SIGMAR1: variants seen among roughly 807,000 people sequenced by gnomAD.
SIGMAR1 encodes the protein sigma non-opioid intracellular receptor 1, also known as SR31747 binding protein 1.
A neutral mutation model predicts 25.4 loss-of-function variants in SIGMAR1; 18 were observed. That is an observed-to-expected ratio of 0.71 (90% confidence interval 0.49 to 1.05). The LOEUF (loss-of-function observed/expected upper bound fraction) is 1.05. Ranked by LOEUF, SIGMAR1 falls within the 50% of genes least tolerant of loss-of-function variation. The pLI is 0.00. For missense variants in SIGMAR1, 249 were observed against 301.6 expected (o/e 0.83, Z 1.29); for synonymous variants, 125 against 131.6 (o/e 0.95, Z 0.34).
rs755288111 is a variant in SIGMAR1, at chr9:34,635,742, C to T, written c.562G>A (p.Asp188Asn). 5.0e-6 allele frequency: 8 copies of T among 1,614,112 alleles called. No homozygotes were observed. Among genetic ancestry groups the T allele is most frequent in the East Asian group, 2.2e-5 (1 of 44,894 alleles). Residue 188 changes from aspartate (D) to asparagine (N), a missense_variant, in exon 4 of 4, where the codon GAC becomes AAC. Transcript: ENST00000277010. The surrounding 1 kb of genome is among the most constrained non-coding windows in gnomAD (Gnocchi z 4.5). ...AAGTCCTGGGTGCTGAAGACAGTGT[C>T]GGCCAGCGCGAAGGCCAGGGTGGAT... is the stretch of plus-strand genomic sequence containing the variant. ...IPSTLAFALA[D>N]TVFSTQDFLT...
chr9:34,636,771 G>T, intron 3 of SIGMAR1: 1 of 600,316 alleles, frequency 1.7e-6, no homozygotes, highest in South Asian at 1.9e-5. Flanking sequence ...ATAAAAATCA[G>T]ACATGTTTAA....
chr9:34,637,649 C>G lies in SIGMAR1; in HGVS notation c.49G>C (p.Ala17Pro), dbSNP rs1307707151. ...RRWAWAALLL[A>P]VAAVLTQVVW... Reference sequence around the variant, plus strand: ...ACCTGGGTCAGCACCGCTGCGACAGCCAGGAGCAGCGCGGCCCACGCCCAC... The same window carrying G: ...ACCTGGGTCAGCACCGCTGCGACAGGCAGGAGCAGCGCGGCCCACGCCCAC... Residue 17 changes from alanine to proline, a missense_variant, in exon 1 of 4, where the codon GCT becomes CCT. By Grantham distance (27) the Ala-to-Pro change is conservative. Transcript: ENST00000277010. 7 of 1,536,320 alleles carry G rather than the reference C, an allele frequency of 4.6e-6. No homozygotes were observed. The highest frequency in any genetic ancestry group is 1.4e-5 in the African/African-American group (1 of 73,146).
Position 34,635,705 on chromosome 9 carries a change from A to G in SIGMAR1, c.599T>C (p.Phe200Ser). ...CCGAGCATAGGAGCGAAGAGTATAG[A>G]AGAGGGTGAGGAAGTCCTGGGTGCT... ...VFSTQDFLTL[F>S]YTLRSYARGL... The change falls in exon 4 of 4, where the codon TTC becomes TCC. Residue 200 changes from phenylalanine to serine, a missense_variant. Coordinates refer to ENST00000277010, the MANE Select transcript of SIGMAR1 (RefSeq NM_005866.4). This position sits in a 1 kb window ranked among gnomAD's most constrained non-coding sequence, Gnocchi z 4.5. 8.1e-6 allele frequency: 13 copies of G among 1,614,248 alleles called. No individual in the cohort carries two copies. The highest frequency in any genetic ancestry group is 1.7e-5 in the Admixed American group (1 of 60,028).
intron 3 of SIGMAR1, 82 bp downstream of exon 3, chr9:34,636,915 C>T: frequency 8.5e-7 from 1 of 1,180,306 alleles, no homozygotes; most frequent in Non-Finnish European, 1.2e-6. Flanking sequence ...CAACACACTC[C>T]TTTTCCATGC....
Position 34,635,428 on chromosome 9 carries a change from A to C in SIGMAR1, c.*204T>G. 1 of 744,172 alleles carries C rather than the reference A, an allele frequency of 1.3e-6. No homozygotes were observed. The highest frequency in any genetic ancestry group is 2.8e-5 in the East Asian group (1 of 35,912). The allele number at this position is 744,172 out of a possible 1,614,324, so 46.1% of individuals were successfully genotyped here. On this transcript the variant is annotated 3_prime_UTR_variant, in exon 4 of 4. Coordinates refer to ENST00000277010, the MANE Select transcript of SIGMAR1 (RefSeq NM_005866.4). The surrounding 1 kb of genome is among the most constrained non-coding windows in gnomAD (Gnocchi z 4.5). ...GAGTGCATGGTCCTACTGTACACAC[A>C]GGTCTCAGTATCTATATGTGTCTCA...
At position 34,635,744 on chromosome 9, in the gene SIGMAR1, G is replaced by A. The variant is rs1820829467; in HGVS notation, c.560C>T (p.Ala187Val). Reference sequence around the variant, plus strand: ...GTCCTGGGTGCTGAAGACAGTGTCGGCCAGCGCGAAGGCCAGGGTGGATGG... The same window carrying A: ...GTCCTGGGTGCTGAAGACAGTGTCGACCAGCGCGAAGGCCAGGGTGGATGG... Reference protein sequence around the residue: ...VIPSTLAFALADTVFSTQDFL... With the variant: ...VIPSTLAFALVDTVFSTQDFL... Residue 187 changes from alanine (A) to valine (V), a missense_variant, in exon 4 of 4, where the codon GCC becomes GTC. Coordinates refer to ENST00000277010, the MANE Select transcript of SIGMAR1 (RefSeq NM_005866.4). The surrounding 1 kb of genome is among the most constrained non-coding windows in gnomAD (Gnocchi z 4.5). 6.2e-7 allele frequency: 1 copy of A among 1,614,238 alleles called. No homozygotes were observed. The highest frequency in any genetic ancestry group is 8.5e-7 in the Non-Finnish European group (1 of 1,180,044).
At position 34,635,995 on chromosome 9, in the gene SIGMAR1, T is replaced by A; in HGVS notation, c.446-137A>T. On this transcript the variant is annotated intron_variant, in intron 3 of 3. Transcript: ENST00000277010. The surrounding 1 kb of genome is among the most constrained non-coding windows in gnomAD (Gnocchi z 4.5). Reference sequence around the variant, plus strand: ...AGAAAAACAAAAAGCCCTACCTCACTGGGCTGGCCCAGATGGCCACTCCTA... The same window carrying A: ...AGAAAAACAAAAAGCCCTACCTCACAGGGCTGGCCCAGATGGCCACTCCTA... 7.7e-7 allele frequency: 1 copy of A among 1,293,750 alleles called. No individual in the cohort carries two copies. 80.1% of individuals were successfully genotyped at this position (1,293,750 alleles called of 1,614,324 possible).
At position 34,637,354 on chromosome 9, in the gene SIGMAR1, A is replaced by G. The variant is rs147152233; in HGVS notation, c.218T>C (p.Val73Ala). 2.5e-6 allele frequency: 4 copies of G among 1,605,448 alleles called. No individual in the cohort carries two copies. Among genetic ancestry groups the G allele is most frequent in the Non-Finnish European group, 8.5e-7 (1 of 1,179,324 alleles). Residue 73 changes from valine to alanine, a missense_variant, in exon 2 of 4, where the codon GTG becomes GCG. Coordinates refer to ENST00000277010, the MANE Select transcript of SIGMAR1 (RefSeq NM_005866.4). ...VELRRLHPGH[V>A]LPDEELQWVF... Reference sequence around the variant, plus strand: ...CCACTGCAGCTCCTCGTCGGGCAGCACGTGGCCTGGGTGCAGCCGCCGCAG... The same window carrying G: ...CCACTGCAGCTCCTCGTCGGGCAGCGCGTGGCCTGGGTGCAGCCGCCGCAG...
chr9:34,635,625 T>C lies in SIGMAR1; in HGVS notation c.*7A>G, dbSNP rs1820819149. On this transcript the variant is annotated 3_prime_UTR_variant, in exon 4 of 4. Transcript: ENST00000277010. The surrounding 1 kb of genome is among the most constrained non-coding windows in gnomAD (Gnocchi z 4.5). ...CTATCCGCAGGTCTTCCTTCAGGCC[T>C]GGCTGGTCAAGGGTCCTGGCCAAAG... 6.2e-7 allele frequency: 1 copy of C among 1,613,984 alleles called. No homozygotes were observed. The highest frequency in any genetic ancestry group is 1.3e-5 in the African/African-American group (1 of 74,942).
rs765738428 is a variant in SIGMAR1 at position 34,637,708 on chromosome 9, G to A, written c.-11C>T. 1.5e-5 allele frequency: 23 copies of A among 1,509,956 alleles called. No individual in the cohort carries two copies. In the Admixed American group the frequency reaches 2.3e-4, roughly 15 times the overall value. The allele number at this position is 1,509,956 out of a possible 1,614,324, so 93.5% of individuals were successfully genotyped here. ...CACGGCCCACTGCATCCCGGCGGGCGGCCTGGCACGGCGCAGCTCAGGAGG... is the reference window on the plus strand; with the variant it reads ...CACGGCCCACTGCATCCCGGCGGGCAGCCTGGCACGGCGCAGCTCAGGAGG... On this transcript the variant is annotated 5_prime_UTR_variant, in exon 1 of 4. Coordinates refer to ENST00000277010, the MANE Select transcript of SIGMAR1 (RefSeq NM_005866.4).
chr9:34,637,213 C>T lies in SIGMAR1; in HGVS notation c.352+7G>A, dbSNP rs1489949303. The T allele has an allele frequency of 3.2e-6, 5 of 1,557,914 alleles. No individual in the cohort carries two copies. The African/African-American group carries it at 5.4e-5, about 17-fold the overall frequency. ...GCCTCCCAGTCTGGCCCGCCGCTAG[C>T]ACTGACCCGAGTGGCCGCGGGAGCC... On this transcript the variant is annotated splice_region_variant and intron_variant, in intron 2 of 3. Coordinates refer to ENST00000277010, the MANE Select transcript of SIGMAR1 (RefSeq NM_005866.4).
chr9:34,637,624 A>G lies in SIGMAR1; in HGVS notation c.74T>C (p.Val25Ala). 1 of 1,544,098 alleles carries G rather than the reference A, an allele frequency of 6.5e-7. No individual in the cohort carries two copies. The highest frequency in any genetic ancestry group is 8.7e-7 in the Non-Finnish European group (1 of 1,149,774). The stretch of plus-strand genomic sequence containing the variant: ...CTGCGTACCCAGCCAGAGCCAGACG[A>G]CCTGGGTCAGCACCGCTGCGACAGC... The part of the protein sequence containing the change: ...LLAVAAVLTQ[V>A]VWLWLGTQSF... The change falls in exon 1 of 4, where the codon GTC becomes GCC. Residue 25 changes from valine (V) to alanine (A), a missense_variant. By Grantham distance (64) the Val-to-Ala change is moderately conservative (BLOSUM62 0). Transcript: ENST00000277010.
chr9:34,637,004 G>T lies in SIGMAR1; in HGVS notation c.438C>A (p.Phe146Leu). 6.2e-7 allele frequency: 1 copy of T among 1,614,004 alleles called. No individual in the cohort carries two copies. Among genetic ancestry groups the T allele is most frequent in the South Asian group, 1.1e-5 (1 of 91,056 alleles). Reference protein sequence around the residue: ...WREGTTKSEVFYPGETVVHGP... With the variant: ...WREGTTKSEVLYPGETVVHGP... ...CAGAGCCTTCTTACCCACCTGGGTA[G>T]AAGACCTCACTTTTGGTGGTGCCCT... The change falls in exon 3 of 4, where the codon TTC becomes TTA. Residue 146 changes from phenylalanine (F) to leucine (L), a missense_variant. Transcript: ENST00000277010.
In SIGMAR1 at chr9:34,637,351, A is replaced by T; in HGVS notation, c.221T>A (p.Leu74Gln). The change falls in exon 2 of 4, where the codon CTG becomes CAG. Residue 74 changes from leucine (L) to glutamine (Q), a missense_variant. Physicochemically the swap from Leu to Gln is moderately radical, Grantham distance 113. Transcript: ENST00000277010. ...CACCCACTGCAGCTCCTCGTCGGGC[A>T]GCACGTGGCCTGGGTGCAGCCGCCG... ...ELRRLHPGHV[L>Q]PDEELQWVFV... 1 of 1,605,668 alleles carries T rather than the reference A, an allele frequency of 6.2e-7. No individual in the cohort carries two copies. The highest frequency in any genetic ancestry group is 1.1e-5 in the South Asian group (1 of 90,646).
Position 34,635,454 on chromosome 9 carries a change from T to C in SIGMAR1, c.*178A>G, listed in dbSNP as rs902914654. ...GGTCTCAGTATCTATATGTGTCTCA[T>C]TTGTTCCCATGGGTCTCTGTGTTTG... On this transcript the variant is annotated 3_prime_UTR_variant, in exon 4 of 4. Coordinates refer to ENST00000277010, the MANE Select transcript of SIGMAR1 (RefSeq NM_005866.4). The surrounding 1 kb of genome is among the most constrained non-coding windows in gnomAD (Gnocchi z 4.5). 3.3e-6 allele frequency: 3 copies of C among 921,450 alleles called. No individual in the cohort carries two copies. The highest frequency in any genetic ancestry group is 3.3e-5 in the African/African-American group (2 of 61,018). The allele number at this position is 921,450 out of a possible 1,614,324, so 57.1% of individuals were successfully genotyped here. A position where few individuals can be genotyped will look rare whatever the true frequency, so the allele number is the denominator to read the frequency against.
At chr9:34,636,516 T>C (rs1217646496) in intron 3 of SIGMAR1, among the ~76,000 whole-genome samples, 1 of 152,016 alleles carries the variant, frequency 6.6e-6, no homozygotes. Flanking sequence ...GCGCCTGTAG[T>C]CCCAGCTACT....
chr9:34,635,345 G>A lies in SIGMAR1; in HGVS notation c.*287C>T, dbSNP rs1038406685. 2 of 465,882 alleles carry A rather than the reference G, an allele frequency of 4.3e-6. No individual in the cohort carries two copies. Among genetic ancestry groups the A allele is most frequent in the Non-Finnish European group, 8.0e-6 (2 of 251,142 alleles). The allele number at this position is 465,882 out of a possible 1,614,324, so 28.9% of individuals were successfully genotyped here. On this transcript the variant is annotated 3_prime_UTR_variant, in exon 4 of 4. Transcript: ENST00000277010. This position sits in a 1 kb window ranked among gnomAD's most constrained non-coding sequence, Gnocchi z 4.5. ...GTTAGTGAGTCAAGCTGTGATGTGT[G>A]TGTCTGAACACAACTGGCTCCCTTG...
In SIGMAR1 at chr9:34,635,569, A is replaced by G. The variant is rs917724636; in HGVS notation, c.*63T>C. 1.2e-6 allele frequency: 2 copies of G among 1,606,966 alleles called. No homozygotes were observed. Among genetic ancestry groups the G allele is most frequent in the Non-Finnish European group, 1.7e-6 (2 of 1,177,044 alleles). ...CTGTCTGTAAACATGGGCTCCAGCA[A>G]GTGGATATGTGCGGGCCTGCCCGCT... On this transcript the variant is annotated 3_prime_UTR_variant, in exon 4 of 4. Transcript: ENST00000277010. This position sits in a 1 kb window ranked among gnomAD's most constrained non-coding sequence, Gnocchi z 4.5.
chr9:34,636,786 A>T, intron 3 of SIGMAR1: 1 of 610,132 alleles, frequency 1.6e-6, no homozygotes, highest in Non-Finnish European at 2.9e-6. Flanking sequence ...GTTTAATAGG[A>T]AGTTGTTATG....
Sources: gnomAD v4.1 joint callset for allele counts (sites outside exome capture counted in the v4.1 genomes callset) on GRCh38, gnomAD v4.1.1 for gene constraint, Gnocchi (gnomAD v3.1) non-coding constraint, MANE v1.5 for transcripts, NCBI Gene and HGNC (gene_info 2026-07-23, HGNC 2026-07-21) for gene names.